The following SLCO6A1 variants were observed in gnomAD, a reference collection of about 807,000 sequenced individuals.
The protein encoded by SLCO6A1 is cancer/testis antigen 48.
Under a neutral mutation model 72.7 loss-of-function variants are expected in SLCO6A1, and 65 were observed. That is an observed-to-expected ratio of 0.89 (90% CI 0.73 to 1.10). The LOEUF (loss-of-function observed/expected upper bound fraction) is 1.10, where lower values mean the gene tolerates loss of function less well. Ranked by LOEUF, SLCO6A1 falls within the 50% of genes least tolerant of loss-of-function variation. SLCO6A1 has a pLI of 0.00. For synonymous variants in SLCO6A1, 314 were observed against 298.2 expected (o/e 1.05, Z -0.55); for missense variants, 874 against 872.6 (o/e 1.00, Z -0.02).
At chr5:102,475,943 A>G in intron 3 of SLCO6A1, 150 bp from the exon 4 acceptor site, 1 of 481,822 alleles carries the variant, frequency 2.1e-6, no homozygotes. Flanking sequence ...TCAATAAAAG[A>G]CAGAGAAAAA....
chr5:102,487,696 C>A (rs2112851136), intron 1 of SLCO6A1, among the ~76,000 whole-genome samples: 1 of 152,310 alleles, frequency 6.6e-6, no homozygotes, highest in South Asian at 2.1e-4. Flanking sequence ...ACTTGCCCAA[C>A]CACTCAAAAT....
At chr5:102,411,029 A>G (rs971356817) in intron 9 of SLCO6A1, among the ~76,000 whole-genome samples, 3 of 152,190 alleles carry the variant, frequency 2.0e-5, no homozygotes, top group East Asian at 1.9e-4. Context: ...GTATTCGTCA[A>G]TCTCTAGGTG....
chr5:102,388,173 G>T (rs989568217), intron 12 of SLCO6A1, among the ~76,000 whole-genome samples: 2 of 152,088 alleles, frequency 1.3e-5, no homozygotes, highest in Non-Finnish European at 2.9e-5. Flanking sequence ...AAATTTTTTT[G>T]TATATGTACC....
chr5:102,422,096 C>T (rs1473499479), intron 7 of SLCO6A1, among the ~76,000 whole-genome samples: 1 of 152,102 alleles, frequency 6.6e-6, no homozygotes, highest in Non-Finnish European at 1.5e-5. Flanking sequence ...AAAAGATGCC[C>T]ATGCAAAAAC....
intron 7 of SLCO6A1, among the ~76,000 whole-genome samples, chr5:102,431,026 G>A (rs1749188151): frequency 6.6e-6 from 1 of 151,992 alleles, no homozygotes; most frequent in South Asian, 2.1e-4. Context: ...GTCTTGAGAG[G>A]CTTTATGTGT....
At chr5:102,378,295 C>T (rs1745919529) in intron 12 of SLCO6A1, among the ~76,000 whole-genome samples, 1 of 152,238 alleles carries the variant, frequency 6.6e-6, no homozygotes, top group African/African-American at 2.4e-5. Flanking sequence ...CCATCATTCT[C>T]AGCAATCTAT....
intron 3 of SLCO6A1, 26 bp downstream of exon 3, chr5:102,477,650 A>T: frequency 6.3e-7 from 1 of 1,591,390 alleles, no homozygotes. Flanking sequence ...AAATGGGTCA[A>T]TCGTAATAGA....
At chr5:102,404,239 T>G (rs900057892) in intron 9 of SLCO6A1, among the ~76,000 whole-genome samples, 4 of 152,242 alleles carry the variant, frequency 2.6e-5, no homozygotes, top group Admixed American at 6.5e-5. Flanking sequence ...CTCACGCCTG[T>G]AATCCCAGCA....
chr5:102,440,862 C>T, intron 6 of SLCO6A1, among the ~76,000 whole-genome samples: 1 of 152,160 alleles, frequency 6.6e-6, no homozygotes, highest in South Asian at 2.1e-4. Flanking sequence ...TACCACAATG[C>T]TTTGTTTCCT....
At chr5:102,375,072 T>C (rs1277620434) in intron 12 of SLCO6A1, among the ~76,000 whole-genome samples, 1 of 152,136 alleles carries the variant, frequency 6.6e-6, no homozygotes, top group Non-Finnish European at 1.5e-5. Flanking sequence ...TACAAACCTT[T>C]ACTCTGGCAA....
chr5:102,437,448 T>G (rs1371241250), intron 7 of SLCO6A1, among the ~76,000 whole-genome samples: 2 of 152,122 alleles, frequency 1.3e-5, no homozygotes, highest in Non-Finnish European at 2.9e-5. Flanking sequence ...CAATACTGCA[T>G]GTAGCCTTAC....
chr5:102,402,679 C>A (rs1040490024), intron 9 of SLCO6A1, among the ~76,000 whole-genome samples: 2 of 152,096 alleles, frequency 1.3e-5, no homozygotes, highest in African/African-American at 4.8e-5. Flanking sequence ...TAGCAACCCA[C>A]CATGACAATA....
chr5:102,474,373 T>C (rs1016064593), intron 4 of SLCO6A1, among the ~76,000 whole-genome samples: 1 of 152,122 alleles, frequency 6.6e-6, no homozygotes, highest in South Asian at 2.1e-4. Context: ...GATATCCACA[T>C]GCAAAAGAAT....
Position 102,480,269 on chromosome 5 carries a change from A to G in SLCO6A1, c.524T>C (p.Val175Ala). 1.9e-6 allele frequency: 3 copies of G among 1,613,434 alleles called. No homozygotes were observed. The highest frequency in any genetic ancestry group is 2.5e-6 in the Non-Finnish European group (3 of 1,179,652). ...YGDRKKVIWF[V>A]ASSFLIGLGS... Reference sequence around the variant, plus strand: ...AAGTCCTATTAAAAAGGAGGAAGCTACAAACCATATTACTTTTTTTCTGTC... The same window carrying G: ...AAGTCCTATTAAAAAGGAGGAAGCTGCAAACCATATTACTTTTTTTCTGTC... The change falls in exon 2 of 14, where the codon GTA (valine) becomes GCA (alanine). Residue 175 changes from valine to alanine, a missense_variant. Coordinates refer to ENST00000506729, the MANE Select transcript of SLCO6A1 (RefSeq NM_173488.5).
intron 4 of SLCO6A1, among the ~76,000 whole-genome samples, chr5:102,460,088 A>T (rs1750947630): frequency 6.6e-6 from 1 of 152,092 alleles, no homozygotes; most frequent in African/African-American, 2.4e-5. Flanking sequence ...ATCCACCAGA[A>T]GCTATGTATT....
At chr5:102,490,909 G>A (rs542781599) in intron 1 of SLCO6A1, among the ~76,000 whole-genome samples, 29 of 152,206 alleles carry the variant, frequency 1.9e-4, no homozygotes, top group South Asian at 6.2e-4. Flanking sequence ...GTGTGGAAGC[G>A]GACTCAGGGG....
chr5:102,466,139 A>C (rs1158670758), intron 4 of SLCO6A1, among the ~76,000 whole-genome samples: 1 of 152,054 alleles, frequency 6.6e-6, no homozygotes, highest in African/African-American at 2.4e-5. Context: ...TATTAAGCCT[A>C]GTATTAATTA....
intron 4 of SLCO6A1, among the ~76,000 whole-genome samples, chr5:102,471,021 T>C (rs1751582197): frequency 6.6e-6 from 1 of 152,048 alleles, no homozygotes; most frequent in African/African-American, 2.4e-5. Flanking sequence ...TGGAGTTAGC[T>C]TTGTTTTCTC....
intron 1 of SLCO6A1, among the ~76,000 whole-genome samples, chr5:102,481,290 G>A (rs1752180885): frequency 6.6e-6 from 1 of 152,086 alleles, no homozygotes; most frequent in Admixed American, 6.5e-5. Context: ...GAGCTCACCT[G>A]CTGATTTTGA....
Sources: gnomAD v4.1 joint callset for allele counts (sites outside exome capture counted in the v4.1 genomes callset) on GRCh38, gnomAD v4.1.1 for gene constraint, MANE v1.5 for transcripts, NCBI Gene and HGNC (gene_info 2026-07-23, HGNC 2026-07-21) for gene names.